MICAL3: variants seen among roughly 807,000 people sequenced by gnomAD.
MICAL3 encodes [F-actin]-monooxygenase MICAL3.
MICAL3 carries 62 observed loss-of-function variants against 207.4 expected under a neutral mutation model. The ratio of observed to expected loss-of-function variants is 0.30; its 90% confidence interval spans 0.24 to 0.37. MICAL3 has a LOEUF of 0.37. Ranked by LOEUF, MICAL3 falls within the 10% of genes least tolerant of loss-of-function variation. The pLI is 1.00. For missense variants in MICAL3, 2,368 were observed against 2,635.6 expected (o/e 0.90, Z 2.22); for synonymous variants, 1,077 against 1,069.3 (o/e 1.01, Z -0.14).
chr22:17,823,219 C>G (rs1921834386), intron 22 of MICAL3, among the ~76,000 whole-genome samples, 159 bp from the exon 23 acceptor site: 1 of 152,226 alleles, frequency 6.6e-6, no homozygotes, highest in African/African-American at 2.4e-5. Flanking sequence ...CCACACGTAG[C>G]ATGGGTGCTG....
Position 17,818,254 on chromosome 22 carries a change from G to A in MICAL3, c.4407C>T (p.Pro1469=), listed in dbSNP as rs548827781. The A allele has an allele frequency of 1.6e-4, 239 of 1,525,606 alleles. No homozygotes were observed. The highest frequency in any genetic ancestry group is 2.8e-4 in the Admixed American group (14 of 49,874). 94.5% of individuals were successfully genotyped at this position (1,525,606 alleles called of 1,614,324 possible). ...CCCTGAGCTTCCTCCGCAAGGTGGC[G>A]GGCTCCTCGCCCGGGGGTGGCGGTG... ...PPPPPPPGEE[P]ATLRRKLREA... is the part of the protein sequence containing the mutation. Residue 1469 remains proline, a synonymous_variant, in exon 26 of 32, where the codon CCC becomes CCT. Transcript: ENST00000441493.
intron 1 of MICAL3, among the ~76,000 whole-genome samples, chr22:17,976,048 CA>C (rs35535653): frequency 0.28 from 40,627 of 145,718 alleles, 5,869 homozygotes; most frequent in African/African-American, 0.38. Flanking sequence ...GACTGGGTCT[CA>C]AAAAAAAAAA....
chr22:17,826,738 G>A (rs943088981), intron 22 of MICAL3, among the ~76,000 whole-genome samples: 11 of 152,172 alleles, frequency 7.2e-5, no homozygotes, highest in Non-Finnish European at 1.0e-4. Context: ...TAGGGCCACC[G>A]CCGGCCCAGG....
intron 29 of MICAL3, among the ~76,000 whole-genome samples, chr22:17,802,431 G>T (rs2061950166): frequency 6.6e-6 from 1 of 152,188 alleles, no homozygotes; most frequent in African/African-American, 2.4e-5. Flanking sequence ...GGCATTAGAT[G>T]GGAAAAGCGT....
chr22:17,965,119 C>T (rs952699676), intron 1 of MICAL3, among the ~76,000 whole-genome samples: 8 of 151,652 alleles, frequency 5.3e-5, no homozygotes. Context: ...TTCCCTCCTT[C>T]CCCTTCTATT....
rs186204960 is a variant in MICAL3, at chr22:17,931,299, A to G, written c.-74-24413T>C. 1.2e-4 allele frequency among the ~76,000 whole-genome samples: 19 copies of G among 152,344 alleles called. No homozygotes were observed. In the East Asian group the frequency reaches 3.5e-3, roughly 28 times the overall value. On this transcript the variant is annotated intron_variant, in intron 1 of 31. Coordinates refer to ENST00000441493, the MANE Select transcript of MICAL3 (RefSeq NM_015241.3). The stretch of plus-strand genomic sequence containing the variant: ...ATGTATGTTATACCACCATTTGGAA[A>G]AAAACTAAAAACAAAAGCCCCACAA...
chr22:17,919,075 G>T (rs1932719878), intron 1 of MICAL3, among the ~76,000 whole-genome samples: 1 of 117,590 alleles, frequency 8.5e-6, no homozygotes, highest in South Asian at 2.3e-4. Flanking sequence ...GGTTTTTGTG[G>T]GTTTTTTTTT....
Position 18,022,664 on chromosome 22 carries a change from A to G in MICAL3, c.-75+1617T>C, listed in dbSNP as rs558160821. 3.9e-5 allele frequency among the ~76,000 whole-genome samples: 6 copies of G among 152,248 alleles called. No individual in the cohort carries two copies. In the East Asian group the frequency reaches 1.2e-3, roughly 29 times the overall value. ...GGCTGGTCTCCAACTCCTGGCCCCA[A>G]GTGATCTGCCTACCTCGGGCTCCCA... On this transcript the variant is annotated intron_variant, in intron 1 of 31. Coordinates refer to ENST00000441493, the MANE Select transcript of MICAL3 (RefSeq NM_015241.3).
At chr22:17,856,608 CTTTTTTT>C (rs57588188) in intron 19 of MICAL3, among the ~76,000 whole-genome samples, 7 of 94,864 alleles carry the variant, frequency 7.4e-5, no homozygotes, top group Middle Eastern at 7.5e-3. Context: ...AAAATGTTTA[CTTTTTTT>C]TTTTTTTTTT....
chr22:17,839,972 C>G (rs1923843091), intron 20 of MICAL3: 2 of 149,358 alleles, frequency 1.3e-5, no homozygotes, highest in South Asian at 2.1e-4. Flanking sequence ...TCACCATCTC[C>G]CAGGCTGGAG....
At chr22:17,904,370 C>T (rs1038331664) in intron 3 of MICAL3, among the ~76,000 whole-genome samples, 3 of 152,220 alleles carry the variant, frequency 2.0e-5, no homozygotes, top group Non-Finnish European at 4.4e-5. Flanking sequence ...GAAGAGTCCA[C>T]GACCTAACAG....
chr22:17,791,258 G>C lies in MICAL3; in HGVS notation c.5694C>G (p.Phe1898Leu), dbSNP rs1278861813. ...KDDPKLMQEW[F>L]KLVQEKNAMV... ...TGGCGTTCTTCTCCTGCACTAGCTT[G>C]AACCACTCCTGCATCAGCTTGGGGT... is the stretch of plus-strand genomic sequence containing the variant. Residue 1898 changes from phenylalanine to leucine, a missense_variant, in exon 30 of 32, where the codon TTC becomes TTG. Transcript: ENST00000441493. 1 of 1,613,854 alleles carries C rather than the reference G, an allele frequency of 6.2e-7. No individual in the cohort carries two copies. The highest frequency in any genetic ancestry group is 8.5e-7 in the Non-Finnish European group (1 of 1,179,862).
At chr22:17,999,728 A>G (rs2146484462) in intron 1 of MICAL3, among the ~76,000 whole-genome samples, 1 of 152,342 alleles carries the variant, frequency 6.6e-6, no homozygotes, top group African/African-American at 2.4e-5. Flanking sequence ...CTGTAAACAC[A>G]AATAAACAGC....
intron 1 of MICAL3, among the ~76,000 whole-genome samples, chr22:17,961,319 A>G (rs960237752): frequency 3.9e-5 from 6 of 152,202 alleles, no homozygotes; most frequent in African/African-American, 1.4e-4. Context: ...CAAAAGCACA[A>G]ACATAAATCT....
chr22:17,824,207 C>T (rs1456679995), intron 22 of MICAL3, among the ~76,000 whole-genome samples: 1 of 152,208 alleles, frequency 6.6e-6, no homozygotes, highest in African/African-American at 2.4e-5. Context: ...TGGCCGGGGG[C>T]CTGCGGGCTC....
intron 29 of MICAL3, among the ~76,000 whole-genome samples, chr22:17,800,278 G>GTA (rs973983666): frequency 3.8e-4 from 58 of 152,284 alleles, no homozygotes; most frequent in African/African-American, 1.1e-3. Context: ...TTATGTGTGT[G>GTA]TATTTTCAAT....
At chr22:17,890,124 AGACT>A (rs1930274543) in intron 12 of MICAL3, among the ~76,000 whole-genome samples, 1 of 152,180 alleles carries the variant, frequency 6.6e-6, no homozygotes, top group African/African-American at 2.4e-5. Flanking sequence ...GCTTTTCAGA[AGACT>A]GATCGCATTC....
intron 22 of MICAL3, among the ~76,000 whole-genome samples, chr22:17,825,459 C>T (rs1409024980): frequency 6.7e-6 from 1 of 150,012 alleles, no homozygotes; most frequent in Admixed American, 6.6e-5. Context: ...CCTTCAGCCG[C>T]CAGCTGGGAG....
intron 29 of MICAL3, among the ~76,000 whole-genome samples, chr22:17,807,374 C>T (rs1419930534): frequency 6.6e-6 from 1 of 152,240 alleles, no homozygotes; most frequent in Non-Finnish European, 1.5e-5. Context: ...CGCTGGGAAA[C>T]CTCAGACCTT....
Sources: allele counts gnomAD v4.1 joint callset (sites outside exome capture counted in the v4.1 genomes callset), GRCh38; gene constraint gnomAD v4.1.1; transcripts MANE v1.5; gene names NCBI Gene and HGNC (gene_info 2026-07-23, HGNC 2026-07-21).